ENTREP1: variants seen among roughly 807,000 people sequenced by gnomAD.
ENTREP1 encodes Friedreich ataxia region gene X123.
chr9:69,367,710 TATATACACATATATATAAAA>T, the ENTREP1 span, among the ~76,000 whole-genome samples: 39 of 83,564 alleles, frequency 4.7e-4, 1 homozygote, highest in Admixed American at 1.5e-3. Context: ...TATAAATATA[TATATACACATATATATAAAA>T]ATATATATAT....
chr9:69,357,690 G>A, the ENTREP1 span, among the ~76,000 whole-genome samples: 1 of 152,156 alleles, frequency 6.6e-6, no homozygotes, highest in African/African-American at 2.4e-5. Flanking sequence ...TCCTGAAATA[G>A]GTTGAGAGTG....
chr9:69,337,468 G>T, the ENTREP1 span, among the ~76,000 whole-genome samples: 1 of 152,032 alleles, frequency 6.6e-6, no homozygotes, highest in Non-Finnish European at 1.5e-5. Context: ...AAATAATATA[G>T]ACATATACTG....
At chr9:69,365,717 C>G in the ENTREP1 span, among the ~76,000 whole-genome samples, 2 of 119,958 alleles carry the variant, frequency 1.7e-5, no homozygotes, top group Non-Finnish European at 3.5e-5. Context: ...TACTATAATT[C>G]TACTCTCTCT....
chr9:69,331,656 T>C, the ENTREP1 span, among the ~76,000 whole-genome samples: 1 of 152,186 alleles, frequency 6.6e-6, no homozygotes, highest in Non-Finnish European at 1.5e-5. Flanking sequence ...TGTACTCTTT[T>C]AGGAAGCACA....
the ENTREP1 span, among the ~76,000 whole-genome samples, chr9:69,345,210 TG>T: frequency 6.6e-6 from 1 of 152,072 alleles, no homozygotes; most frequent in African/African-American, 2.4e-5. Context: ...ATGGTAGAAT[TG>T]GGTATAATGA....
the ENTREP1 span, among the ~76,000 whole-genome samples, chr9:69,355,504 A>G: frequency 1.3e-5 from 2 of 152,226 alleles, no homozygotes; most frequent in Admixed American, 1.3e-4. Flanking sequence ...AAAGAGTCAT[A>G]TAGTCTGGCT....
the ENTREP1 span, chr9:69,375,876 A>G: frequency 1.2e-6 from 2 of 1,611,872 alleles, no homozygotes; most frequent in Non-Finnish European, 1.7e-6. Context: ...TACCTCAAAC[A>G]GATTCCCACC....
chr9:69,383,852 A>C, the ENTREP1 span: 8 of 1,570,090 alleles, frequency 5.1e-6, no homozygotes, highest in Non-Finnish European at 7.0e-6. Flanking sequence ...CAGCAGGGAG[A>C]CCGGGCCCCA....
At chr9:69,347,462 G>A in the ENTREP1 span, among the ~76,000 whole-genome samples, 6 of 152,076 alleles carry the variant, frequency 3.9e-5, no homozygotes, top group East Asian at 5.8e-4. Flanking sequence ...AGACCCACAC[G>A]AAAAAAGGGA....
the ENTREP1 span, chr9:69,383,892 A>T: frequency 6.4e-7 from 1 of 1,568,846 alleles, no homozygotes; most frequent in Non-Finnish European, 8.8e-7. Context: ...CACTGGGTCT[A>T]ATGAGGGGTG....
the ENTREP1 span, among the ~76,000 whole-genome samples, chr9:69,364,656 T>C: frequency 1.3e-5 from 2 of 152,100 alleles, no homozygotes; most frequent in Non-Finnish European, 2.9e-5. Flanking sequence ...CTCCAATATT[T>C]TGTATCCTGG....
the ENTREP1 span, among the ~76,000 whole-genome samples, chr9:69,333,564 C>T: frequency 1.3e-5 from 2 of 152,268 alleles, no homozygotes; most frequent in East Asian, 1.9e-4. Context: ...CTTGGCCTCC[C>T]AAAGTGCTGG....
the ENTREP1 span, among the ~76,000 whole-genome samples, chr9:69,326,301 C>A: frequency 4.0e-4 from 61 of 152,198 alleles, no homozygotes; most frequent in African/African-American, 1.2e-3. Flanking sequence ...TGTGAACTGG[C>A]GCTTGTACCT....
chr9:69,346,508 T>G, the ENTREP1 span, among the ~76,000 whole-genome samples: 4 of 152,228 alleles, frequency 2.6e-5, no homozygotes, highest in Admixed American at 2.6e-4. Context: ...GACCCTCTTT[T>G]ATATAAGATA....
At chr9:69,372,711 C>T in the ENTREP1 span, among the ~76,000 whole-genome samples, 2 of 152,144 alleles carry the variant, frequency 1.3e-5, no homozygotes, top group Admixed American at 6.6e-5. Context: ...CAGAAGTGAT[C>T]ATTTGGTAAT....
chr9:69,378,191 G>A, the ENTREP1 span, among the ~76,000 whole-genome samples: 1 of 152,142 alleles, frequency 6.6e-6, no homozygotes, highest in Admixed American at 6.5e-5. Flanking sequence ...AGTCGCTGTT[G>A]CCTTGGAAAC....
At chr9:69,371,515 T>A in the ENTREP1 span, 2 of 1,613,516 alleles carry the variant, frequency 1.2e-6, no homozygotes, top group African/African-American at 2.7e-5. Context: ...CTCTTTGTGC[T>A]GCTCTCTGTG....
the ENTREP1 span, chr9:69,391,627 A>T: frequency 6.2e-7 from 1 of 1,614,028 alleles, no homozygotes; most frequent in Admixed American, 1.7e-5. Flanking sequence ...AGCCCAGCAC[A>T]TCCAGGGCCC....
At chr9:69,357,490 G>A in the ENTREP1 span, among the ~76,000 whole-genome samples, 9 of 152,174 alleles carry the variant, frequency 5.9e-5, no homozygotes, top group African/African-American at 2.2e-4. Flanking sequence ...AGCAACAGTC[G>A]GTTCTGTTCA....
Sources: allele counts gnomAD v4.1 joint callset (sites outside exome capture counted in the v4.1 genomes callset), GRCh38; gene constraint gnomAD v4.1.1; transcripts MANE v1.5; gene names NCBI Gene and HGNC (gene_info 2026-07-23, HGNC 2026-07-21).